Variants in MRPS35 observed in about 807,000 individuals in gnomAD.
The protein encoded by MRPS35 is mitochondrial ribosomal protein S35, also known as small ribosomal subunit protein mS35.
In MRPS35, 29 loss-of-function variants were observed where a neutral mutation model predicts 32.7. The observed-to-expected ratio is 0.89, with a 90% CI of 0.66 to 1.21. MRPS35 has a LOEUF of 1.21. Ranked by LOEUF, MRPS35 falls within the 50% of genes most tolerant of loss-of-function variation. The probability of loss-of-function intolerance (pLI) is 0.00; values close to 1 mark genes in which losing one functional copy is unlikely to be tolerated. For synonymous variants in MRPS35, 148 were observed against 139.3 expected (o/e 1.06, Z -0.44); for missense variants, 373 against 383.8 (o/e 0.97, Z 0.23).
At chr12:27,743,453 G>A (rs1388889559) in intron 7 of MRPS35, among the ~76,000 whole-genome samples, 5 of 151,986 alleles carry the variant, frequency 3.3e-5, no homozygotes, top group African/African-American at 4.8e-5. Flanking sequence ...CCTTGAACCC[G>A]GGAGGCAGAG....
chr12:27,713,162 ACT>A (rs2061835206), intron 1 of MRPS35, among the ~76,000 whole-genome samples: 2 of 151,936 alleles, frequency 1.3e-5, no homozygotes, highest in Admixed American at 1.3e-4. Flanking sequence ...ATGTGCTCTC[ACT>A]CTGTCAAAAC....
chr12:27,719,535 G>A (rs1010983625), intron 3 of MRPS35, among the ~76,000 whole-genome samples: 1 of 151,526 alleles, frequency 6.6e-6, no homozygotes, highest in African/African-American at 2.4e-5. Flanking sequence ...GCGTGGTGGC[G>A]GGCGCCTGTA....
At chr12:27,745,189 G>A (rs1030838271) in intron 7 of MRPS35, among the ~76,000 whole-genome samples, 6 of 152,152 alleles carry the variant, frequency 3.9e-5, no homozygotes, top group African/African-American at 1.4e-4. Flanking sequence ...ATTTAGTGCA[G>A]CCATCCCTTT....
At position 27,725,836 on chromosome 12, in the gene MRPS35, T is replaced by C. The variant is rs571760287; in HGVS notation, c.522+1650T>C. Among the ~76,000 whole-genome samples the C allele has an allele frequency of 2.4e-5, 3 of 126,940 alleles. No individual in the cohort carries two copies. The East Asian group carries it at 7.1e-4, about 30-fold the overall frequency. The allele number at this position is 126,940 out of a possible 152,430, so 83.3% of individuals were successfully genotyped here. A position where few individuals can be genotyped will look rare whatever the true frequency, so the allele number is the denominator to read the frequency against. ...TTTTTTTTTTTTTGAGACAGGGTCT[T>C]ACCCTGTCACCCAGGCTGAAGTGCA... On this transcript the variant is annotated intron_variant, in intron 5 of 7. Transcript: ENST00000081029.
At chr12:27,712,671 A>AATG (rs1295193021) in intron 1 of MRPS35, among the ~76,000 whole-genome samples, 4 of 152,206 alleles carry the variant, frequency 2.6e-5, no homozygotes, top group African/African-American at 7.2e-5. Flanking sequence ...CAATTGGATG[A>AATG]ATGATGATTC....
rs2061939811 is a variant in MRPS35 at position 27,735,470 on chromosome 12, A to C, written c.546A>C (p.Leu182Phe). 6.2e-7 allele frequency: 1 copy of C among 1,609,480 alleles called. No individual in the cohort carries two copies. Among genetic ancestry groups the C allele is most frequent in the Non-Finnish European group, 8.5e-7 (1 of 1,178,160 alleles). Residue 182 changes from leucine to phenylalanine, a missense_variant, in exon 6 of 8, where the codon TTA (leucine) becomes TTC (phenylalanine). Transcript: ENST00000081029. The stretch of plus-strand genomic sequence containing the variant: ...AGGTAAAGCTTTCCAGTTTGAATTT[A>C]GATGATCACGCAAAGAAGAAATTAA... Reference protein sequence around the residue: ...VLRVKLSSLNLDDHAKKKLIK... With the variant: ...VLRVKLSSLNFDDHAKKKLIK...
rs1005990217 is a variant in MRPS35 at position 27,743,384 on chromosome 12, C to T, written c.702+5776C>T. On this transcript the variant is annotated intron_variant, in intron 7 of 7. Transcript: ENST00000081029. ...CTCTACTACAAATATATAAATTAGC[C>T]GGGTGTGGTGGCGGGCACCTGTAAT... Among the ~76,000 whole-genome samples the T allele has an allele frequency of 3.3e-5, 5 of 151,880 alleles. No individual in the cohort carries two copies. The East Asian group carries it at 7.9e-4, about 24-fold the overall frequency.
chr12:27,726,524 T>G (rs2061901250), intron 5 of MRPS35, among the ~76,000 whole-genome samples: 1 of 152,100 alleles, frequency 6.6e-6, no homozygotes, highest in Non-Finnish European at 1.5e-5. Flanking sequence ...AATGACTGAG[T>G]TGCATGGCAC....
In MRPS35 at chr12:27,737,568, A is replaced by T. The variant is rs1178693423; in HGVS notation, c.662A>T (p.Tyr221Phe). ...RCPLRRQNYD[Y>F]AVYLLTVLYH... is the part of the protein sequence containing the mutation. ...CCTTTAAGGAGGCAGAATTACGATT[A>T]TGCAGTGTATCTACTAACAGTGTTA... is the stretch of plus-strand genomic sequence containing the variant. The change falls in exon 7 of 8, where the codon TAT (tyrosine) becomes TTT (phenylalanine). Residue 221 changes from tyrosine to phenylalanine, a missense_variant. By Grantham distance (22) the Tyr-to-Phe change is conservative. Coordinates refer to ENST00000081029, the MANE Select transcript of MRPS35 (RefSeq NM_021821.4). The T allele has an allele frequency of 1.2e-6, 2 of 1,612,026 alleles. No homozygotes were observed. Among genetic ancestry groups the T allele is most frequent in the Non-Finnish European group, 1.7e-6 (2 of 1,178,484 alleles).
In MRPS35 at chr12:27,716,438, G is replaced by T. The variant is rs1338791476; in HGVS notation, c.301G>T (p.Gly101Ter). The change falls in exon 3 of 8, where the codon GGA (glycine) becomes TGA (stop). Residue 101 changes from glycine to a stop codon, truncating the protein, a stop_gained. Transcript: ENST00000081029. LOFTEE classifies it high-confidence loss of function. ...AAAGGGCGTGCCCATGGCAAAGGAG[G>T]GAAATCTAGAACTTTTAAAGGTAAG... ...VKKGVPMAKE[G>*]NLELLKIPNF... 1.2e-6 allele frequency: 2 copies of T among 1,613,946 alleles called. No individual in the cohort carries two copies. Among genetic ancestry groups the T allele is most frequent in the Non-Finnish European group, 1.7e-6 (2 of 1,180,004 alleles).
intron 5 of MRPS35, among the ~76,000 whole-genome samples, chr12:27,725,403 T>C (rs959392398): frequency 6.6e-6 from 1 of 152,204 alleles, no homozygotes; most frequent in Non-Finnish European, 1.5e-5. Context: ...ATGGAACCTT[T>C]AGGCTTTTTA....
intron 1 of MRPS35, among the ~76,000 whole-genome samples, chr12:27,713,935 G>A (rs957252362): frequency 1.3e-5 from 2 of 151,776 alleles, no homozygotes; most frequent in African/African-American, 4.8e-5. Context: ...AGAATTAGCC[G>A]GGTGTGCTCA....
At chr12:27,714,619 G>T (rs546027112) in intron 1 of MRPS35, among the ~76,000 whole-genome samples, 161 bp from the exon 2 acceptor site, 1 of 146,190 alleles carries the variant, frequency 6.8e-6, no homozygotes, top group African/African-American at 2.6e-5. Flanking sequence ...AGATGATTTT[G>T]GTCCCTGAGC....
intron 7 of MRPS35, among the ~76,000 whole-genome samples, chr12:27,737,951 C>G (rs946016376): frequency 1.3e-5 from 2 of 151,968 alleles, no homozygotes; most frequent in Non-Finnish European, 1.5e-5. Context: ...ATAATTCATC[C>G]TCTTTAAATA....
At position 27,755,376 on chromosome 12, in the gene MRPS35, A is replaced by G. The variant is rs1056048298; in HGVS notation, c.898A>G (p.Lys300Glu). 1 of 1,602,380 alleles carries G rather than the reference A, an allele frequency of 6.2e-7. No individual in the cohort carries two copies. Among genetic ancestry groups the G allele is most frequent in the Admixed American group, 1.7e-5 (1 of 57,168 alleles). Reference protein sequence around the residue: ...EEYKKSVVSLKNEEENENSIS... With the variant: ...EEYKKSVVSLENEEENENSIS... ...GTACAAAAAGTCTGTTGTTAGTCTT[A>G]AAAATGAGGAGGAAAATGAAAATTC... Residue 300 changes from lysine to glutamate, a missense_variant, in exon 8 of 8, where the codon AAA (lysine) becomes GAA (glutamate). By Grantham distance (56) the Lys-to-Glu change is moderately conservative (BLOSUM62 1). Coordinates refer to ENST00000081029, the MANE Select transcript of MRPS35 (RefSeq NM_021821.4).
intron 7 of MRPS35, among the ~76,000 whole-genome samples, chr12:27,742,290 C>T (rs1410661361): frequency 6.6e-6 from 1 of 152,092 alleles, no homozygotes; most frequent in African/African-American, 2.4e-5. Context: ...AATGCTTGAG[C>T]AATGTTTGCT....
chr12:27,736,725 G>A (rs1053554793), intron 6 of MRPS35, among the ~76,000 whole-genome samples: 15 of 152,122 alleles, frequency 9.9e-5, no homozygotes, highest in Non-Finnish European at 2.1e-4. Flanking sequence ...TCTCATGTAT[G>A]TAGAAGTTTT....
chr12:27,752,184 G>A (rs1423425748), intron 7 of MRPS35, among the ~76,000 whole-genome samples: 1 of 152,184 alleles, frequency 6.6e-6, no homozygotes, highest in Non-Finnish European at 1.5e-5. Context: ...CACAGGAGTT[G>A]AGCCTGGCGG....
chr12:27,717,638 T>C (rs887306804), intron 3 of MRPS35, among the ~76,000 whole-genome samples: 1 of 152,206 alleles, frequency 6.6e-6, no homozygotes, highest in Non-Finnish European at 1.5e-5. Flanking sequence ...GAAATGGGAA[T>C]GTGAAGACAC....
Sources: gnomAD v4.1 joint callset for allele counts (sites outside exome capture counted in the v4.1 genomes callset) on GRCh38, gnomAD v4.1.1 for gene constraint, MANE v1.5 for transcripts, NCBI Gene and HGNC (gene_info 2026-07-23, HGNC 2026-07-21) for gene names.